The following KIFC2 variants were observed in gnomAD, a reference collection of about 807,000 sequenced individuals.
KIFC2 encodes the protein kinesin family member C2.
KIFC2 carries 94 observed loss-of-function variants against 91.5 expected under a neutral mutation model. That is an observed-to-expected ratio of 1.03 (90% CI 0.87 to 1.22). KIFC2 has a LOEUF of 1.22. Ranked by LOEUF, KIFC2 falls within the 50% of genes most tolerant of loss-of-function variation. The pLI is 0.00. For synonymous variants in KIFC2, 729 were observed against 503.9 expected, an observed-to-expected ratio of 1.45 and a Z score of -5.98; for missense variants, 1,357 against 1,103.3, an observed-to-expected ratio of 1.23 and a Z score of -3.26.
rs765502254 is a variant in KIFC2 at position 144,473,236 on chromosome 8, G to C, written c.2223G>C (p.Pro741=). 7 of 1,600,158 alleles carry C rather than the reference G, an allele frequency of 4.4e-6. No homozygotes were observed. The South Asian group carries it at 7.9e-5, about 18-fold the overall frequency. ...ELGPARRRRV[P]RSSGTPSSLS... ...GGCCAGCCCGGCGCCGCAGGGTCCC[G>C]CGCTCCTCCGGGACGCCTTCTTCCC... Residue 741 remains proline (P), a synonymous_variant, in exon 18 of 18, where the codon CCG becomes CCC. Coordinates refer to ENST00000645548, the MANE Select transcript of KIFC2 (RefSeq NM_001369769.2).
intron 4 of KIFC2, 38 bp downstream of exon 4, chr8:144,467,379 G>A: frequency 2.6e-6 from 4 of 1,566,250 alleles, no homozygotes; most frequent in Non-Finnish European, 3.5e-6. Flanking sequence ...GAACTCTGGA[G>A]GGAGCAAATC....
chr8:144,467,438 T>G, intron 4 of KIFC2, 47 bp from the exon 5 acceptor site: 1 of 1,539,816 alleles, frequency 6.5e-7, no homozygotes, highest in Non-Finnish European at 8.7e-7. Context: ...TCCGGAAGAT[T>G]TGGACTAGAG....
At position 144,469,399 on chromosome 8, in the gene KIFC2, C is replaced by T. The variant is rs899408938; in HGVS notation, c.1222+20C>T. ...TCAAGGGTATGACAGGCTTGGGAGC[C>T]TAGCGGGGCAGGGAGGGCGGCTGGA... On this transcript the variant is annotated intron_variant, in intron 11 of 17. Coordinates refer to ENST00000645548, the MANE Select transcript of KIFC2 (RefSeq NM_001369769.2). 6.2e-7 allele frequency: 1 copy of T among 1,611,680 alleles called. No homozygotes were observed. The highest frequency in any genetic ancestry group is 8.5e-7 in the Non-Finnish European group (1 of 1,179,298).
At chr8:144,470,032 T>TGCCA (rs1341585881) in intron 12 of KIFC2, among the ~76,000 whole-genome samples, 2 of 152,258 alleles carry the variant, frequency 1.3e-5, no homozygotes, top group Non-Finnish European at 1.5e-5. Flanking sequence ...ACCCTTTTCC[T>TGCCA]GCCAGACACC....
intron 2 of KIFC2, 58 bp downstream of exon 2, chr8:144,466,896 G>T: frequency 6.5e-7 from 1 of 1,548,580 alleles, no homozygotes. Context: ...TCCCAGGGAG[G>T]GGCGGAGGCC....
rs958964760 is a variant in KIFC2, at chr8:144,473,959, G to A, written c.*570G>A. Reference sequence around the variant, plus strand: ...GACTGATGGATGGGTAGTGGGCTGAGAAGAGGGGACTAGGAAGGGCTATTC... The same window carrying A: ...GACTGATGGATGGGTAGTGGGCTGAAAAGAGGGGACTAGGAAGGGCTATTC... On this transcript the variant is annotated 3_prime_UTR_variant, in exon 18 of 18. Transcript: ENST00000645548. The A allele has an allele frequency of 2.0e-5, 10 of 511,170 alleles. No homozygotes were observed. The highest frequency in any genetic ancestry group is 3.5e-5 in the Non-Finnish European group (10 of 288,634). 31.7% of individuals were successfully genotyped at this position (511,170 alleles called of 1,614,324 possible).
At chr8:144,471,872 C>T in intron 12 of KIFC2, 70 bp from the exon 13 acceptor site, 2 of 1,410,468 alleles carry the variant, frequency 1.4e-6, no homozygotes, top group Non-Finnish European at 2.0e-6. Context: ...TGGCACTCCC[C>T]ACCCCACCAA....
At position 144,466,437 on chromosome 8, in the gene KIFC2, G is replaced by T; in HGVS notation, c.18G>T (p.Ser6=). ...GCGCTCCCATGTACGCCTTTTACTC[G>T]TTGCTCATCTACATCTTCTACAGCC... MYAFY[S]LLIYIFYSLF... is the part of the protein sequence containing the mutation. The change falls in exon 1 of 18, where the codon TCG becomes TCT. Residue 6 remains serine (S), a synonymous_variant. Transcript: ENST00000645548. 1 of 1,356,638 alleles carries T rather than the reference G, an allele frequency of 7.4e-7. No individual in the cohort carries two copies. Among genetic ancestry groups the T allele is most frequent in the African/African-American group, 1.5e-5 (1 of 65,116 alleles). 84.0% of individuals were successfully genotyped at this position (1,356,638 alleles called of 1,614,324 possible). A position where few individuals can be genotyped will look rare whatever the true frequency, so the allele number is the denominator to read the frequency against.
At position 144,472,709 on chromosome 8, in the gene KIFC2, A is replaced by G; in HGVS notation, c.1861+3A>G. On this transcript the variant is annotated splice_donor_region_variant and intron_variant, in intron 16 of 17. Transcript: ENST00000645548. ...ACCGCGCGCTCCAGGCACCGCAGGTACCACGGCCGGTGCCTGAGCCCTGCG... is the reference window on the plus strand; with the variant it reads ...ACCGCGCGCTCCAGGCACCGCAGGTGCCACGGCCGGTGCCTGAGCCCTGCG... 6.3e-7 allele frequency: 1 copy of G among 1,593,738 alleles called. No homozygotes were observed.
chr8:144,473,293 C>T lies in KIFC2; in HGVS notation c.2280C>T (p.Pro760=), dbSNP rs1825015726. ...LSTDTPLTGT[P]CTPTPSPGSP... is the part of the protein sequence containing the mutation. ...CCGACACTCCGCTCACCGGGACCCC[C>T]TGCACCCCTACGCCGTCCCCTGGCA... Residue 760 remains proline (P), a synonymous_variant, in exon 18 of 18, where the codon CCC becomes CCT. Transcript: ENST00000645548. 6 of 1,606,204 alleles carry T rather than the reference C, an allele frequency of 3.7e-6. No homozygotes were observed. Among genetic ancestry groups the T allele is most frequent in the Non-Finnish European group, 5.1e-6 (6 of 1,177,434 alleles).
intron 12 of KIFC2, among the ~76,000 whole-genome samples, chr8:144,471,012 G>A (rs1049492523): frequency 2.4e-4 from 36 of 151,794 alleles, no homozygotes; most frequent in African/African-American, 8.0e-4. Flanking sequence ...TGCCCAGGCT[G>A]TAGTGCAGTG....
In KIFC2 at chr8:144,467,794, A is replaced by C; in HGVS notation, c.681+15A>C. 2.5e-6 allele frequency: 4 copies of C among 1,613,556 alleles called. No homozygotes were observed. Among genetic ancestry groups the C allele is most frequent in the Non-Finnish European group, 3.4e-6 (4 of 1,179,906 alleles). On this transcript the variant is annotated intron_variant, in intron 6 of 17. Transcript: ENST00000645548. ...GCCTGGGCGTGGTGAGGCTGCAGGG[A>C]GACCTGGCAGGGCCGGGCATGGAGG...
chr8:144,470,042 C>T (rs992075278), intron 12 of KIFC2, among the ~76,000 whole-genome samples: 2 of 152,382 alleles, frequency 1.3e-5, no homozygotes, highest in Middle Eastern at 3.4e-3. Context: ...TGCCAGACAC[C>T]TGTGGAAAAG....
chr8:144,473,378 C>T lies in KIFC2; in HGVS notation c.2365C>T (p.Leu789=). 6.3e-7 allele frequency: 1 copy of T among 1,578,820 alleles called. No homozygotes were observed. Among genetic ancestry groups the T allele is most frequent in the South Asian group, 1.2e-5 (1 of 86,948 alleles). ...SGSALAPAEG[L]PL is the part of the protein sequence containing the mutation. ...CTCGGCTCTCGCGCCCGCAGAGGGC[C>T]TGCCCCTCTAGTCCTGGGTCGCGGC... The change falls in exon 18 of 18, where the codon CTG becomes TTG. Residue 789 remains leucine (L), a synonymous_variant. Transcript: ENST00000645548.
chr8:144,472,769 C>G (rs1223670074), intron 16 of KIFC2, 26 bp from the exon 17 acceptor site: 2 of 1,591,530 alleles, frequency 1.3e-6, no homozygotes, highest in Middle Eastern at 1.7e-4. Context: ...GGCCTTCCCC[C>G]ATGTCGGGCT....
At chr8:144,469,770 T>C (rs1041694030) in intron 12 of KIFC2, 123 bp downstream of exon 12, 1 of 1,263,384 alleles carries the variant, frequency 7.9e-7, no homozygotes, top group Non-Finnish European at 1.1e-6. Flanking sequence ...GGCTGGGCTC[T>C]AGCCAGGAAG....
rs1345382715 is a variant in KIFC2 at position 144,466,993 on chromosome 8, A to C, written c.213A>C (p.Ala71=). 2 of 1,596,816 alleles carry C rather than the reference A, an allele frequency of 1.3e-6. No homozygotes were observed. The highest frequency in any genetic ancestry group is 2.2e-5 in the East Asian group (1 of 44,544). ...AGCCTGAGGATGGGTCGGAAGGCGC[A>C]GCCGAGGGCCGCGCGGCCGCGGTGT... ...SSEPEDGSEG[A]AEGRAAAVSL... is the part of the protein sequence containing the mutation. Residue 71 remains alanine, a synonymous_variant, in exon 3 of 18, where the codon GCA becomes GCC. Transcript: ENST00000645548.
In KIFC2 at chr8:144,473,442, A is replaced by G; in HGVS notation, c.*53A>G. The G allele has an allele frequency of 3.9e-6, 6 of 1,527,974 alleles. No homozygotes were observed. Among genetic ancestry groups the G allele is most frequent in the Non-Finnish European group, 5.3e-6 (6 of 1,142,004 alleles). 94.7% of individuals were successfully genotyped at this position (1,527,974 alleles called of 1,614,324 possible). The stretch of plus-strand genomic sequence containing the variant: ...TCTCAGGCCAGGTCTCTGCTGGCAG[A>G]GGCGGTAGTAAAGTCCCTGTACCCC... On this transcript the variant is annotated 3_prime_UTR_variant, in exon 18 of 18. Transcript: ENST00000645548.
In KIFC2 at chr8:144,472,962, C is replaced by A; in HGVS notation, c.2029C>A (p.Arg677=). The A allele has an allele frequency of 4.8e-6, 7 of 1,464,608 alleles. No homozygotes were observed. The highest frequency in any genetic ancestry group is 6.3e-6 in the Non-Finnish European group (7 of 1,116,120). The allele number at this position is 1,464,608 out of a possible 1,614,324, so 90.7% of individuals were successfully genotyped here. The change falls in exon 17 of 18, where the codon CGG becomes AGG. Residue 677 remains arginine, a synonymous_variant. Transcript: ENST00000645548. The stretch of plus-strand genomic sequence containing the variant: ...CGTGATGGCCGCACTGCGGGCCCAC[C>A]GGCCGCACGTGCCCTTCCGCGACTC... ...GGVMAALRAH[R]PHVPFRDSQL...
Sources: gnomAD v4.1 joint callset for allele counts (sites outside exome capture counted in the v4.1 genomes callset) on GRCh38, gnomAD v4.1.1 for gene constraint, MANE v1.5 for transcripts, NCBI Gene and HGNC (gene_info 2026-07-23, HGNC 2026-07-21) for gene names.